Variants in RGS14 observed in about 807,000 individuals in gnomAD.
RGS14 encodes regulator of G-protein signaling 14.
Under a neutral mutation model 63.8 loss-of-function variants are expected in RGS14, and 33 were observed. The observed-to-expected ratio is 0.52, with a 90% CI of 0.39 to 0.69. The LOEUF (loss-of-function observed/expected upper bound fraction) is 0.69. Ranked by LOEUF, RGS14 falls within the 30% of genes least tolerant of loss-of-function variation. RGS14 has a pLI of 0.00. For missense variants in RGS14, 739 were observed against 742.9 expected (o/e 0.99, Z 0.06); for synonymous variants, 296 against 320.9 (o/e 0.92, Z 0.83).
At chr5:177,368,969 C>T (rs1237360814) in intron 9 of RGS14, 49 bp downstream of exon 9, 1 of 1,563,884 alleles carries the variant, frequency 6.4e-7, no homozygotes, top group African/African-American at 1.4e-5. Flanking sequence ...TGATCCTGAC[C>T]CCAACTCCAT....
rs912339808 is a variant in RGS14 at position 177,364,413 on chromosome 5, G to A, written c.46-1550G>A. 6.6e-6 allele frequency among the ~76,000 whole-genome samples: 1 copy of A among 152,170 alleles called. No homozygotes were observed. The highest frequency in any genetic ancestry group is 2.4e-5 in the African/African-American group (1 of 41,430). On this transcript the variant is annotated intron_variant, in intron 1 of 14. Transcript: ENST00000408923. This position sits in a 1 kb window ranked among gnomAD's most constrained non-coding sequence, Gnocchi z 4.6. Reference sequence around the variant, plus strand: ...CTGTGTTTTGGTGGAGGCAGAGGGAGCTTCCATTTGGGACTTCCATTTGGG... The same window carrying A: ...CTGTGTTTTGGTGGAGGCAGAGGGAACTTCCATTTGGGACTTCCATTTGGG...
In RGS14 at chr5:177,371,972, TGCCC is replaced by T; in HGVS notation, c.1603_1606del (p.Ala535LysfsTer23). The T allele has an allele frequency of 6.2e-7, 1 of 1,614,130 alleles. No individual in the cohort carries two copies. The highest frequency in any genetic ancestry group is 1.1e-5 in the South Asian group (1 of 91,088). On this transcript the variant is annotated frameshift_variant, in exon 15 of 15. Transcript: ENST00000408923. LOFTEE classifies it low-confidence loss of function (END_TRUNC). The surrounding 1 kb of genome is among the most constrained non-coding windows in gnomAD (Gnocchi z 6.1). ...CTGGTACTTCCAGAATTTCTGCAGC[TGCCC>T]GCCCAAGGGCCCAGCTCCGAGGAGA...
Position 177,358,835 on chromosome 5 carries a change from C to A in RGS14, c.45+766C>A, listed in dbSNP as rs995467429. 4.6e-5 allele frequency among the ~76,000 whole-genome samples: 7 copies of A among 152,326 alleles called. No homozygotes were observed. Among genetic ancestry groups the A allele is most frequent in the Middle Eastern group, 3.4e-3 (1 of 294 alleles). ...CACTTGGAAGAGTCCCTCTTAACAA[C>A]CTCAGGAAGGCCAGTGTCCTGGCCC... On this transcript the variant is annotated intron_variant, in intron 1 of 14. Coordinates refer to ENST00000408923, the MANE Select transcript of RGS14 (RefSeq NM_006480.5). This position sits in a 1 kb window ranked among gnomAD's most constrained non-coding sequence, Gnocchi z 4.8.
At chr5:177,362,687 T>G (rs999828043) in intron 1 of RGS14, among the ~76,000 whole-genome samples, 2 of 147,978 alleles carry the variant, frequency 1.4e-5, no homozygotes, top group African/African-American at 2.5e-5. Context: ...GGGAGGAAAA[T>G]GGGTGAGGCT....
intron 7 of RGS14, 26 bp from the exon 8 acceptor site, chr5:177,368,131 C>G (rs367781150): frequency 6.2e-7 from 1 of 1,607,094 alleles, no homozygotes; most frequent in Non-Finnish European, 8.5e-7. Flanking sequence ...GGGGGCTGTT[C>G]GCGTTCATCG....
Position 177,372,027 on chromosome 5 carries a change from C to A in RGS14, c.1653C>A (p.Ala551=). ...EETPPQTKSA[A]QPIGGSLNST... The stretch of plus-strand genomic sequence containing the variant: ...CCCCACCACAGACCAAATCAGCAGC[C>A]CAGCCCATCGGGGGATCCTTGAACT... The change falls in exon 15 of 15, where the codon GCC becomes GCA. Residue 551 remains alanine, a synonymous_variant. Coordinates refer to ENST00000408923, the MANE Select transcript of RGS14 (RefSeq NM_006480.5). 6.2e-7 allele frequency: 1 copy of A among 1,614,144 alleles called. No homozygotes were observed. Among genetic ancestry groups the A allele is most frequent in the Non-Finnish European group, 8.5e-7 (1 of 1,180,014 alleles).
At chr5:177,361,894 T>G (rs1211911983) in intron 1 of RGS14, among the ~76,000 whole-genome samples, 1 of 152,164 alleles carries the variant, frequency 6.6e-6, no homozygotes, top group African/African-American at 2.4e-5. Context: ...CACTCACCAC[T>G]TCTTCTCAAG....
Position 177,368,170 on chromosome 5 carries a change from T to C in RGS14, c.753T>C (p.Thr251=). The C allele has an allele frequency of 6.2e-7, 1 of 1,613,564 alleles. No individual in the cohort carries two copies. The highest frequency in any genetic ancestry group is 1.3e-5 in the African/African-American group (1 of 75,068). ...CCTCTTCACTAGAGCTGGGCGGGAC[T>C]GCAAACGCCGCCTTGCGCCGAGAGT... ...RKSFRRELGG[T]ANAALRRESQ... The change falls in exon 8 of 15, where the codon ACT becomes ACC. Residue 251 remains threonine, a synonymous_variant. Coordinates refer to ENST00000408923, the MANE Select transcript of RGS14 (RefSeq NM_006480.5).
Position 177,366,756 on chromosome 5 carries a change from G to A in RGS14, c.295G>A (p.Ala99Thr). Reference sequence around the variant, plus strand: ...CGCGGAAAACGTGACTTTCTGGAAGGCCTGCGAGCGCTTCCAGCAGATCCC... The same window carrying A: ...CGCGGAAAACGTGACTTTCTGGAAGACCTGCGAGCGCTTCCAGCAGATCCC... Reference protein sequence around the residue: ...FSAENVTFWKACERFQQIPAS... With the variant: ...FSAENVTFWKTCERFQQIPAS... Residue 99 changes from alanine (A) to threonine (T), a missense_variant, in exon 4 of 15, where the codon GCC becomes ACC. By Grantham distance (58) the Ala-to-Thr change is moderately conservative. Transcript: ENST00000408923. 6.2e-7 allele frequency: 1 copy of A among 1,614,168 alleles called. No individual in the cohort carries two copies. The highest frequency in any genetic ancestry group is 8.5e-7 in the Non-Finnish European group (1 of 1,180,022).
chr5:177,370,523 C>A, intron 9 of RGS14, 68 bp from the exon 10 acceptor site: 1 of 1,447,990 alleles, frequency 6.9e-7, no homozygotes, highest in Non-Finnish European at 9.7e-7. Flanking sequence ...TGAAGTTGTT[C>A]TCAGACCCAC....
chr5:177,370,473 C>G, intron 9 of RGS14, 118 bp from the exon 10 acceptor site: 1 of 871,982 alleles, frequency 1.1e-6, no homozygotes, highest in Non-Finnish European at 1.9e-6. Context: ...CACCCTCCAT[C>G]CCTTCCTCTA....
Position 177,366,281 on chromosome 5 carries a change from G to C in RGS14, c.172G>C (p.Glu58Gln). The C allele has an allele frequency of 6.4e-7, 1 of 1,567,374 alleles. No individual in the cohort carries two copies. The highest frequency in any genetic ancestry group is 2.4e-5 in the East Asian group (1 of 42,168). The change falls in exon 3 of 15, where the codon GAG becomes CAG. Residue 58 changes from glutamate (E) to glutamine (Q), a missense_variant. Transcript: ENST00000408923. ...TCCCAGCAGCCCCTTCCCAACCGAG[G>C]AGCAGCCTGTGGCCAGCTGGGCCCT... is the stretch of plus-strand genomic sequence containing the variant. ...SGPSSPFPTE[E>Q]QPVASWALSF...
chr5:177,358,061 G>A lies in RGS14; in HGVS notation c.37G>A (p.Gly13Arg), dbSNP rs751420606. The A allele has an allele frequency of 8.1e-6, 11 of 1,357,880 alleles. No homozygotes were observed. The highest frequency in any genetic ancestry group is 3.0e-5 in the Admixed American group (1 of 32,892). The allele number at this position is 1,357,880 out of a possible 1,614,324, so 84.1% of individuals were successfully genotyped here. Reference sequence around the variant, plus strand: ...GCCCAAGCACCTGGGCGTCCCCAACGGGCGCATGGTGAGTGTGGGCTCCGG... The same window carrying A: ...GCCCAAGCACCTGGGCGTCCCCAACAGGCGCATGGTGAGTGTGGGCTCCGG... ...GKPKHLGVPN[G>R]RMVLAVSDGE... Residue 13 changes from glycine to arginine, a missense_variant, in exon 1 of 15, where the codon GGG (glycine) becomes AGG (arginine). By Grantham distance (125) the Gly-to-Arg change is moderately radical. Transcript: ENST00000408923. The surrounding 1 kb of genome is among the most constrained non-coding windows in gnomAD (Gnocchi z 4.8).
At position 177,371,465 on chromosome 5, in the gene RGS14, A is replaced by G. The variant is rs1271779314; in HGVS notation, c.1384-10A>G. On this transcript the variant is annotated splice_polypyrimidine_tract_variant and intron_variant, in intron 13 of 14. Coordinates refer to ENST00000408923, the MANE Select transcript of RGS14 (RefSeq NM_006480.5). This position sits in a 1 kb window ranked among gnomAD's most constrained non-coding sequence, Gnocchi z 6.1. Reference sequence around the variant, plus strand: ...CTCCCGATTTTGGCTCTGACCCCAAATTCTCGCAGGGCTGCCCACCTAGAA... The same window carrying G: ...CTCCCGATTTTGGCTCTGACCCCAAGTTCTCGCAGGGCTGCCCACCTAGAA... 1 of 1,613,838 alleles carries G rather than the reference A, an allele frequency of 6.2e-7. No homozygotes were observed. Among genetic ancestry groups the G allele is most frequent in the Non-Finnish European group, 8.5e-7 (1 of 1,179,964 alleles).
Position 177,370,894 on chromosome 5 carries a change from G to C in RGS14, c.1128-11G>C. ...CCCTCCGGCCCTCTGCTGCCCGAGGGTTCCTCGCAGGCTGGAGCTGACGGC... is the reference window on the plus strand; with the variant it reads ...CCCTCCGGCCCTCTGCTGCCCGAGGCTTCCTCGCAGGCTGGAGCTGACGGC... On this transcript the variant is annotated splice_polypyrimidine_tract_variant and intron_variant, in intron 10 of 14. Coordinates refer to ENST00000408923, the MANE Select transcript of RGS14 (RefSeq NM_006480.5). 14 of 1,600,712 alleles carry C rather than the reference G, an allele frequency of 8.7e-6. No homozygotes were observed. Among genetic ancestry groups the C allele is most frequent in the Non-Finnish European group, 1.2e-5 (14 of 1,178,476 alleles).
Position 177,357,950 on chromosome 5 carries a change from C to T in RGS14, c.-75C>T. Reference sequence around the variant, plus strand: ...TCTCCACTGCCTGCCCGCCACCGTGCAAGCTCTGGCCGGCGCTGCCCACAG... The same window carrying T: ...TCTCCACTGCCTGCCCGCCACCGTGTAAGCTCTGGCCGGCGCTGCCCACAG... On this transcript the variant is annotated 5_prime_UTR_variant, in exon 1 of 15. Coordinates refer to ENST00000408923, the MANE Select transcript of RGS14 (RefSeq NM_006480.5). 7.9e-7 allele frequency: 1 copy of T among 1,259,294 alleles called. No individual in the cohort carries two copies. Among genetic ancestry groups the T allele is most frequent in the Non-Finnish European group, 1.0e-6 (1 of 985,976 alleles). The allele number at this position is 1,259,294 out of a possible 1,614,324, so 78.0% of individuals were successfully genotyped here.
chr5:177,372,243 C>A lies in RGS14; in HGVS notation c.*168C>A. On this transcript the variant is annotated 3_prime_UTR_variant, in exon 15 of 15. Transcript: ENST00000408923. ...GTGGAAAGGGGACTCAGATGAGACA[C>A]ACCCCACAGCTGCCACCGCCTTGTC... 1.5e-6 allele frequency: 1 copy of A among 649,210 alleles called. No individual in the cohort carries two copies. The highest frequency in any genetic ancestry group is 2.6e-6 in the Non-Finnish European group (1 of 377,624). 40.2% of individuals were successfully genotyped at this position (649,210 alleles called of 1,614,324 possible).
chr5:177,367,981 G>A lies in RGS14; in HGVS notation c.739+156G>A, dbSNP rs1359283611. ...CACCACACTCCCCTGGGTGGTTCGG[G>A]TCTTGGGCTAGACCTCAGACGTTTG... On this transcript the variant is annotated intron_variant, in intron 7 of 14. Transcript: ENST00000408923. 5.6e-6 allele frequency: 8 copies of A among 1,438,422 alleles called. No individual in the cohort carries two copies. In the East Asian group the frequency reaches 2.0e-4, roughly 36 times the overall value. The allele number at this position is 1,438,422 out of a possible 1,614,324, so 89.1% of individuals were successfully genotyped here.
Position 177,372,163 on chromosome 5 carries a change from G to GGCAC in RGS14, c.*88_*89insGCAC. 2 of 1,320,208 alleles carry GGCAC rather than the reference G, an allele frequency of 1.5e-6. No individual in the cohort carries two copies. Among genetic ancestry groups the GGCAC allele is most frequent in the Non-Finnish European group, 2.1e-6 (2 of 943,792 alleles). The allele number at this position is 1,320,208 out of a possible 1,614,324, so 81.8% of individuals were successfully genotyped here. A position where few individuals can be genotyped will look rare whatever the true frequency, so the allele number is the denominator to read the frequency against. On this transcript the variant is annotated 3_prime_UTR_variant, in exon 15 of 15. Coordinates refer to ENST00000408923, the MANE Select transcript of RGS14 (RefSeq NM_006480.5). ...GCTCTGCATGCCCTGTCTGTGCCAT[G>GGCAC]AGTGTCCCTGGCCCCTTCCTGCCAT...
Sources: gnomAD v4.1 joint callset for allele counts (sites outside exome capture counted in the v4.1 genomes callset) on GRCh38, gnomAD v4.1.1 for gene constraint, Gnocchi (gnomAD v3.1) non-coding constraint, MANE v1.5 for transcripts, NCBI Gene and HGNC (gene_info 2026-07-23, HGNC 2026-07-21) for gene names.